The following ADGRB3 variants were observed in gnomAD, a reference collection of about 807,000 sequenced individuals.
The protein encoded by ADGRB3 is brain-specific angiogenesis inhibitor 3.
Under a neutral mutation model 193.4 loss-of-function variants are expected in ADGRB3, and 37 were observed. That is an observed-to-expected ratio of 0.19 (90% confidence interval 0.15 to 0.25). The LOEUF is 0.25. Among genes scored for constraint, ADGRB3 ranks in the 10% least tolerant of loss-of-function variants. ADGRB3 has a pLI of 1.00. For synonymous variants in ADGRB3, 690 were observed against 644.2 expected (o/e 1.07, Z -1.08); for missense variants, 1,637 against 1,852.9 (o/e 0.88, Z 2.14).
intron 20 of ADGRB3, among the ~76,000 whole-genome samples, chr6:69,275,416 A>T (rs1031624192): frequency 1.3e-5 from 2 of 152,152 alleles, no homozygotes; most frequent in Admixed American, 6.5e-5. Flanking sequence ...AGTATTAGCA[A>T]CTGTGATTCC....
intron 11 of ADGRB3, among the ~76,000 whole-genome samples, chr6:69,008,323 A>G (rs1354294146): frequency 6.6e-6 from 1 of 152,170 alleles, no homozygotes; most frequent in Non-Finnish European, 1.5e-5. Context: ...CCAAATATAG[A>G]GAAGGCATTC....
At chr6:68,830,664 G>A (rs1767934841) in intron 3 of ADGRB3, among the ~76,000 whole-genome samples, 2 of 152,114 alleles carry the variant, frequency 1.3e-5, no homozygotes, top group South Asian at 2.1e-4. Context: ...TCAAGGTTAT[G>A]AGAGAGGAAA....
intron 18 of ADGRB3, among the ~76,000 whole-genome samples, chr6:69,233,937 A>C (rs1766206776): frequency 6.6e-6 from 1 of 152,194 alleles, no homozygotes; most frequent in Admixed American, 6.5e-5. Flanking sequence ...CAGGAACTGT[A>C]AAATTATTCC....
intron 3 of ADGRB3, among the ~76,000 whole-genome samples, chr6:68,726,133 G>A (rs1765669975): frequency 6.6e-6 from 1 of 151,548 alleles, no homozygotes; most frequent in Admixed American, 6.6e-5. Context: ...TTTAGTTCTA[G>A]TGAAGATTAT....
At chr6:69,273,752 G>A (rs1055647171) in intron 20 of ADGRB3, among the ~76,000 whole-genome samples, 1 of 152,274 alleles carries the variant, frequency 6.6e-6, no homozygotes. Context: ...AGGTTTACAG[G>A]GACTTCAGAT....
Position 69,018,463 on chromosome 6 carries a change from G to C in ADGRB3, c.2071G>C (p.Asp691His). 6.2e-7 allele frequency: 1 copy of C among 1,608,138 alleles called. No individual in the cohort carries two copies. Among genetic ancestry groups the C allele is most frequent in the Non-Finnish European group, 8.5e-7 (1 of 1,175,644 alleles). ...FIHIVGMGMM[D>H]FQNSYLMTGN... Reference sequence around the variant, plus strand: ...ACACATTGTTGGAATGGGGATGATGGACTTTCAGAATTCATACTTAATGAC... The same window carrying C: ...ACACATTGTTGGAATGGGGATGATGCACTTTCAGAATTCATACTTAATGAC... Residue 691 changes from aspartate (D) to histidine (H), a missense_variant, in exon 13 of 32, where the codon GAC becomes CAC. Asp to His is a moderately conservative substitution (Grantham distance 81). Coordinates refer to ENST00000370598, the MANE Select transcript of ADGRB3 (RefSeq NM_001704.3).
intron 3 of ADGRB3, among the ~76,000 whole-genome samples, chr6:68,786,512 T>C (rs1205954362): frequency 6.6e-6 from 1 of 152,206 alleles, no homozygotes; most frequent in African/African-American, 2.4e-5. Flanking sequence ...CATTGGTCTA[T>C]ATCTCTGTTT....
At chr6:68,693,762 C>T (rs1488225066) in intron 3 of ADGRB3, among the ~76,000 whole-genome samples, 3 of 151,842 alleles carry the variant, frequency 2.0e-5, no homozygotes, top group South Asian at 2.1e-4. Flanking sequence ...TGACGCATAC[C>T]GCAGTGTATC....
intron 3 of ADGRB3, among the ~76,000 whole-genome samples, chr6:68,815,661 G>A (rs973870682): frequency 9.0e-5 from 13 of 144,400 alleles, no homozygotes; most frequent in African/African-American, 3.0e-4. Context: ...CTCATTTGAT[G>A]TAATAGTTAC....
intron 17 of ADGRB3, among the ~76,000 whole-genome samples, chr6:69,090,009 C>T (rs1312781575): frequency 1.3e-5 from 2 of 152,176 alleles, no homozygotes; most frequent in South Asian, 2.1e-4. Context: ...TATGTAAGTA[C>T]TGTGTGCATT....
At chr6:69,172,643 C>CAAAAAAAAAAA (rs70987454) in intron 17 of ADGRB3, among the ~76,000 whole-genome samples, 17 of 26,820 alleles carry the variant, frequency 6.3e-4, no homozygotes, top group Non-Finnish European at 5.4e-4. Flanking sequence ...GACTCTGTCT[C>CAAAAAAAAAAA]AAAAAAAAAA....
At chr6:69,117,120 A>G (rs1019301247) in intron 17 of ADGRB3, among the ~76,000 whole-genome samples, 19 of 152,246 alleles carry the variant, frequency 1.2e-4, no homozygotes, top group Non-Finnish European at 2.4e-4. Flanking sequence ...GCCACAATCC[A>G]TGTTGATGTA....
Position 68,960,432 on chromosome 6 carries a change from A to G in ADGRB3, c.1525+3623A>G, listed in dbSNP as rs149040121. Among the ~76,000 whole-genome samples the G allele has an allele frequency of 1.1e-3, 165 of 152,226 alleles. 1 individual carries two copies. The highest frequency in any genetic ancestry group is 3.8e-3 in the African/African-American group (158 of 41,546). ...GCAGCCGTAGTGTTGGTAATGCAAA[A>G]TTTGTCTTGAACACTGTAATACACT... is the stretch of plus-strand genomic sequence containing the variant. On this transcript the variant is annotated intron_variant, in intron 8 of 31. Coordinates refer to ENST00000370598, the MANE Select transcript of ADGRB3 (RefSeq NM_001704.3).
At chr6:69,122,488 AGGGG>A (rs1773738514) in intron 17 of ADGRB3, among the ~76,000 whole-genome samples, 1 of 2,164 alleles carries the variant, frequency 4.6e-4, no homozygotes, top group Non-Finnish European at 9.3e-4. Context: ...GGGAGGGGGG[AGGGG>A]GAGGGGGAGA....
At chr6:69,200,950 G>C (rs943905038) in intron 17 of ADGRB3, among the ~76,000 whole-genome samples, 2 of 152,050 alleles carry the variant, frequency 1.3e-5, no homozygotes, top group African/African-American at 4.8e-5. Flanking sequence ...ATTTATTAAA[G>C]AAGTGCAAAA....
At chr6:68,866,148 C>T (rs1055792028) in intron 3 of ADGRB3, among the ~76,000 whole-genome samples, 3 of 152,100 alleles carry the variant, frequency 2.0e-5, no homozygotes, top group Non-Finnish European at 2.9e-5. Context: ...CATGGTTTGG[C>T]TCTGTGTCCC....
intron 3 of ADGRB3, among the ~76,000 whole-genome samples, chr6:68,712,857 C>CT (rs1765428059): frequency 6.6e-6 from 1 of 151,806 alleles, no homozygotes; most frequent in Non-Finnish European, 1.5e-5. Context: ...CAAAGTTTTG[C>CT]TTTCTTAAAA....
intron 3 of ADGRB3, among the ~76,000 whole-genome samples, chr6:68,821,144 G>A (rs1767741232): frequency 1.3e-5 from 2 of 151,902 alleles, no homozygotes; most frequent in Admixed American, 6.6e-5. Context: ...TTAATAACAG[G>A]ACATAGAAAA....
intron 3 of ADGRB3, among the ~76,000 whole-genome samples, chr6:68,875,131 TTTC>T (rs1260725609): frequency 9.1e-6 from 1 of 109,688 alleles, no homozygotes; most frequent in African/African-American, 3.2e-5. Flanking sequence ...TCCTTCTTTC[TTTC>T]TTCTTTCATT....
Sources: allele counts gnomAD v4.1 joint callset (sites outside exome capture counted in the v4.1 genomes callset), GRCh38; gene constraint gnomAD v4.1.1; transcripts MANE v1.5; gene names NCBI Gene and HGNC (gene_info 2026-07-23, HGNC 2026-07-21).